Variants in ASXL1 observed in about 807,000 individuals in gnomAD.
The protein encoded by ASXL1 is polycomb group protein ASXL1.
A neutral mutation model predicts 89.1 loss-of-function variants in ASXL1; 65 were observed. That is an observed-to-expected ratio of 0.73 (90% confidence interval 0.60 to 0.90). The LOEUF (loss-of-function observed/expected upper bound fraction) is 0.90, where lower values mean the gene tolerates loss of function less well. Among genes scored for constraint, ASXL1 ranks in the 40% least tolerant of loss-of-function variants. The pLI, the probability that ASXL1 is intolerant of heterozygous loss-of-function variation, is 0.00. For synonymous variants in ASXL1, 739 were observed against 746.9 expected (o/e 0.99, Z 0.17); for missense variants, 1,786 against 1,942.9 (o/e 0.92, Z 1.52).
chr20:32,383,576 G>A (rs2048526588), intron 4 of ASXL1, among the ~76,000 whole-genome samples: 1 of 152,120 alleles, frequency 6.6e-6, no homozygotes, highest in Admixed American at 6.6e-5. Context: ...CACAAGTGCT[G>A]GGATTACAGG....
intron 4 of ASXL1, among the ~76,000 whole-genome samples, chr20:32,397,753 CAA>C (rs764541497): frequency 2.0e-4 from 31 of 152,194 alleles, no homozygotes; most frequent in Non-Finnish European, 4.1e-4. Flanking sequence ...CGAAAGTTTA[CAA>C]AGTTTGCGTT....
At chr20:32,381,645 G>A (rs1193535462) in intron 4 of ASXL1, among the ~76,000 whole-genome samples, 1 of 151,322 alleles carries the variant, frequency 6.6e-6, no homozygotes, top group Non-Finnish European at 1.5e-5. Context: ...CTCCTGAGTA[G>A]CTGGGACTAC....
At chr20:32,358,869 GGGGT>G in intron 1 of ASXL1, 37 bp downstream of exon 1, 1 of 1,470,252 alleles carries the variant, frequency 6.8e-7, no homozygotes, top group African/African-American at 1.5e-5. Flanking sequence ...CGTGGGGCCC[GGGGT>G]GGGGGGGGCT....
At chr20:32,409,983 T>C (rs1486943872) in intron 4 of ASXL1, among the ~76,000 whole-genome samples, 1 of 152,210 alleles carries the variant, frequency 6.6e-6, no homozygotes, top group African/African-American at 2.4e-5. Flanking sequence ...CAATATGGAT[T>C]TGTCTTGATG....
chr20:32,394,204 A>G (rs925851834), intron 4 of ASXL1, among the ~76,000 whole-genome samples: 1 of 152,056 alleles, frequency 6.6e-6, no homozygotes, highest in Non-Finnish European at 1.5e-5. Context: ...GGGTTTCACT[A>G]TATTGGCCAG....
intron 4 of ASXL1, among the ~76,000 whole-genome samples, chr20:32,425,890 A>G (rs917217250): frequency 4.6e-5 from 7 of 152,128 alleles, no homozygotes; most frequent in African/African-American, 1.7e-4. Flanking sequence ...TTTTTAGTAG[A>G]GACAGGGTTT....
In ASXL1 at chr20:32,436,666, G is replaced by A; in HGVS notation, c.3954G>A (p.Arg1318=). 1.2e-6 allele frequency: 2 copies of A among 1,614,016 alleles called. No individual in the cohort carries two copies. Among genetic ancestry groups the A allele is most frequent in the African/African-American group, 1.3e-5 (1 of 75,044 alleles). Reference sequence around the variant, plus strand: ...TGGCTGCAACCCTTCAGCGCCCCAGGCCTGCGGACCCGATGCCTCTTCCTG... The same window carrying A: ...TGGCTGCAACCCTTCAGCGCCCCAGACCTGCGGACCCGATGCCTCTTCCTG... The part of the protein sequence containing the change: ...GNVAATLQRP[R]PADPMPLPAE... Residue 1318 remains arginine (R), a synonymous_variant, in exon 13 of 13, where the codon AGG becomes AGA. Transcript: ENST00000375687.
chr20:32,431,166 A>G, intron 8 of ASXL1, 155 bp from the exon 9 acceptor site: 1 of 926,646 alleles, frequency 1.1e-6, no homozygotes, highest in Non-Finnish European at 1.7e-6. Context: ...TAACCTGGAA[A>G]GAATATACAG....
At chr20:32,366,360 A>G in intron 1 of ASXL1, 24 bp from the exon 2 acceptor site, 1 of 1,579,156 alleles carries the variant, frequency 6.3e-7, no homozygotes, top group South Asian at 1.1e-5. Flanking sequence ...GCACACTGAA[A>G]TTAGGACGTT....
At chr20:32,428,770 C>T in intron 6 of ASXL1, 1 of 299,410 alleles carries the variant, frequency 3.3e-6, no homozygotes, top group South Asian at 3.1e-5. Context: ...AAGCAATTCT[C>T]CTGCCTCAGC....
intron 4 of ASXL1, 48 bp downstream of exon 4, chr20:32,369,171 A>G (rs188348814): frequency 6.5e-7 from 1 of 1,531,102 alleles, no homozygotes; most frequent in East Asian, 2.2e-5. Flanking sequence ...TGGACTTTTA[A>G]TGTGCATAAA....
chr20:32,413,354 A>T (rs2049082035), intron 4 of ASXL1, among the ~76,000 whole-genome samples: 1 of 152,166 alleles, frequency 6.6e-6, no homozygotes, highest in Non-Finnish European at 1.5e-5. Flanking sequence ...GAGCAGTGTC[A>T]CTTACTCTGA....
At chr20:32,363,924 A>G (rs1375556183) in intron 1 of ASXL1, among the ~76,000 whole-genome samples, 2 of 152,212 alleles carry the variant, frequency 1.3e-5, no homozygotes, top group African/African-American at 4.8e-5. Context: ...GGCAGAGACC[A>G]GATTGTGAGG....
At chr20:32,394,952 G>A (rs528166360) in intron 4 of ASXL1, among the ~76,000 whole-genome samples, 2 of 152,000 alleles carry the variant, frequency 1.3e-5, no homozygotes, top group Non-Finnish European at 2.9e-5. Context: ...GAGCTCCAGT[G>A]ATCCGCCTGT....
At chr20:32,384,456 A>G (rs1322465456) in intron 4 of ASXL1, among the ~76,000 whole-genome samples, 2 of 152,034 alleles carry the variant, frequency 1.3e-5, no homozygotes, top group Non-Finnish European at 2.9e-5. Context: ...TCGGCCTCCC[A>G]AAGTGCTAGG....
rs961492113 is a variant in ASXL1, at chr20:32,436,073, G to A, written c.3361G>A (p.Val1121Ile). 1 of 1,614,144 alleles carries A rather than the reference G, an allele frequency of 6.2e-7. No individual in the cohort carries two copies. Among genetic ancestry groups the A allele is most frequent in the East Asian group, 2.2e-5 (1 of 44,888 alleles). The change falls in exon 13 of 13, where the codon GTT becomes ATT. Residue 1121 changes from valine to isoleucine, a missense_variant. By Grantham distance (29) the Val-to-Ile change is conservative. Around this residue, in one of 3 missense-constraint regions of ASXL1, gnomAD observed 1,418 missense variants for 1,427.8 expected, o/e 0.99. Coordinates refer to ENST00000375687, the MANE Select transcript of ASXL1 (RefSeq NM_015338.6). The stretch of plus-strand genomic sequence containing the variant: ...GCAGGGTAGCTTGCCCCTAGAGAAG[G>A]TTCTTCCACCAGCCCACGATGACAG... Reference protein sequence around the residue: ...LLQGSLPLEKVLPPAHDDSMS... With the variant: ...LLQGSLPLEKILPPAHDDSMS...
At chr20:32,371,897 C>T (rs554681686) in intron 4 of ASXL1, 3 of 380,860 alleles carry the variant, frequency 7.9e-6, no homozygotes, top group Non-Finnish European at 5.2e-6. Flanking sequence ...ATACCTGGCC[C>T]TCTATTATCT....
intron 4 of ASXL1, among the ~76,000 whole-genome samples, chr20:32,399,317 GCTAT>G (rs1380807214): frequency 6.6e-6 from 1 of 151,342 alleles, no homozygotes; most frequent in Non-Finnish European, 1.5e-5. Context: ...CAAGAAATCT[GCTAT>G]CTTTGTTCTG....
At chr20:32,428,632 G>A in intron 6 of ASXL1, 2 of 445,890 alleles carry the variant, frequency 4.5e-6, no homozygotes, top group Non-Finnish European at 8.2e-6. Flanking sequence ...CTTTACCTTG[G>A]CTGAGTGATT....
Sources: gnomAD v4.1 joint callset for allele counts (sites outside exome capture counted in the v4.1 genomes callset) on GRCh38, gnomAD v4.1.1 for gene constraint, gnomAD v4.1.1 regional missense constraint, MANE v1.5 for transcripts, NCBI Gene and HGNC (gene_info 2026-07-23, HGNC 2026-07-21) for gene names.